Variants in PIK3CB observed in about 807,000 individuals in gnomAD.
The protein encoded by PIK3CB is phosphatidylinositol-4,5-bisphosphate 3-kinase catalytic subunit beta, also known as phosphatidylinositol 4,5-bisphosphate 3-kinase catalytic subunit beta isoform.
PIK3CB carries 39 observed loss-of-function variants against 136.8 expected under a neutral mutation model. That is an observed-to-expected ratio of 0.29 (90% CI 0.22 to 0.37). The LOEUF (loss-of-function observed/expected upper bound fraction) is 0.37. PIK3CB is among the 10% of genes least tolerant of loss of function. The pLI is 1.00. For synonymous variants in PIK3CB, 428 were observed against 436.6 expected (o/e 0.98, Z 0.25); for missense variants, 868 against 1,275.4 (o/e 0.68, Z 4.87).
At chr3:138,690,116 T>TA (rs1395636384) in intron 15 of PIK3CB, among the ~76,000 whole-genome samples, 1 of 146,950 alleles carries the variant, frequency 6.8e-6, no homozygotes, top group Non-Finnish European at 1.5e-5. Flanking sequence ...CACAAGAAAG[T>TA]AAAAAAAAGA....
intron 1 of PIK3CB, among the ~76,000 whole-genome samples, chr3:138,797,473 A>G (rs912963006): frequency 7.2e-5 from 11 of 152,096 alleles, no homozygotes; most frequent in African/African-American, 2.7e-4. Context: ...TCCCTATTAC[A>G]TATATTACAA....
At chr3:138,781,907 G>A (rs1279135103) in intron 2 of PIK3CB, among the ~76,000 whole-genome samples, 4 of 152,168 alleles carry the variant, frequency 2.6e-5, no homozygotes, top group Admixed American at 2.0e-4. Flanking sequence ...GGGTGAAAGA[G>A]CGAGACACTG....
intron 19 of PIK3CB, among the ~76,000 whole-genome samples, chr3:138,679,748 A>AATTATTATTATTATTATTATTATT (rs59677449): frequency 2.8e-5 from 4 of 141,462 alleles, no homozygotes; most frequent in African/African-American, 5.1e-5. Flanking sequence ...ATGCCTGGCT[A>AATTATTATTATTATTATTATTATT]ATTATTATTA....
chr3:138,787,739 A>G (rs570213476), intron 2 of PIK3CB, among the ~76,000 whole-genome samples: 2 of 151,588 alleles, frequency 1.3e-5, no homozygotes, highest in South Asian at 4.2e-4. Context: ...TTTTTTAAAG[A>G]AAGAAAAAAA....
chr3:138,781,764 T>G (rs781084591), intron 2 of PIK3CB, among the ~76,000 whole-genome samples: 32 of 152,224 alleles, frequency 2.1e-4, no homozygotes, highest in Middle Eastern at 3.4e-3. Context: ...CCAAAAAATT[T>G]TTTTAATTAG....
intron 8 of PIK3CB, among the ~76,000 whole-genome samples, chr3:138,728,283 C>G (rs1348668213): frequency 6.6e-6 from 1 of 151,962 alleles, no homozygotes; most frequent in African/African-American, 2.4e-5. Flanking sequence ...ATTATATGAC[C>G]AACGTTATTC....
intron 2 of PIK3CB, among the ~76,000 whole-genome samples, chr3:138,764,685 C>A (rs2045708616): frequency 6.6e-6 from 1 of 152,208 alleles, no homozygotes; most frequent in Non-Finnish European, 1.5e-5. Context: ...GATCCTTAGT[C>A]CAGTCATGCT....
chr3:138,786,964 T>A (rs1011111988), intron 2 of PIK3CB, among the ~76,000 whole-genome samples: 1 of 152,250 alleles, frequency 6.6e-6, no homozygotes. Flanking sequence ...CATGACAATC[T>A]GACCACAGTT....
intron 2 of PIK3CB, among the ~76,000 whole-genome samples, chr3:138,763,913 C>T (rs560442567): frequency 1.1e-3 from 169 of 150,040 alleles, no homozygotes; most frequent in Non-Finnish European, 1.9e-3. Flanking sequence ...AAGTTCAAGA[C>T]CAGCCTGACC....
chr3:138,745,238 G>A (rs981956177), intron 4 of PIK3CB, among the ~76,000 whole-genome samples: 5 of 152,068 alleles, frequency 3.3e-5, no homozygotes, highest in Non-Finnish European at 7.4e-5. Flanking sequence ...TTGTGTTTGG[G>A]GGTAAGTAAA....
Position 138,796,467 on chromosome 3 carries a change from G to A in PIK3CB, c.-21C>T, listed in dbSNP as rs1243732760. 6 of 146,758 alleles carry A rather than the reference G, an allele frequency of 4.1e-5. No individual in the cohort carries two copies. The highest frequency in any genetic ancestry group is 1.5e-4 in the African/African-American group (6 of 39,558). 9.1% of individuals were successfully genotyped at this position (146,758 alleles called of 1,614,324 possible). On this transcript the variant is annotated 5_prime_UTR_variant, in exon 2 of 24. Transcript: ENST00000674063. ...AATACAAAATTGGATACTTACCTAA[G>A]AATGGTCGCCCCCATTTCAGTCTTT...
rs1378587347 is a variant in PIK3CB, at chr3:138,684,806, G to A, written c.2137-3C>T. ...TTTAACTTATTGAGTGCTTCAACCT[G>A]AAAAATAAGTTCCCCACACCAAAAA... On this transcript the variant is annotated splice_polypyrimidine_tract_variant and splice_region_variant and intron_variant, in intron 16 of 23. Coordinates refer to ENST00000674063, the MANE Select transcript of PIK3CB (RefSeq NM_006219.3). The A allele has an allele frequency of 6.2e-7, 1 of 1,601,146 alleles. No individual in the cohort carries two copies. The highest frequency in any genetic ancestry group is 8.5e-7 in the Non-Finnish European group (1 of 1,174,202).
At chr3:138,663,535 C>G (rs1352264860) in intron 21 of PIK3CB, among the ~76,000 whole-genome samples, 1 of 152,100 alleles carries the variant, frequency 6.6e-6, no homozygotes, top group East Asian at 1.9e-4. Flanking sequence ...GCGCCTGCCA[C>G]CATGCCTGGC....
rs575122880 is a variant in PIK3CB at position 138,834,882 on chromosome 3, G to A, written c.-309C>T. 6.6e-6 allele frequency: 1 copy of A among 151,842 alleles called. No individual in the cohort carries two copies. The highest frequency in any genetic ancestry group is 1.5e-5 in the Non-Finnish European group (1 of 68,194). The allele number at this position is 151,842 out of a possible 1,614,324, so 9.4% of individuals were successfully genotyped here. On this transcript the variant is annotated 5_prime_UTR_variant, in exon 1 of 24. Transcript: ENST00000674063. ...GCCCGCTCCGCCGCAGCGCCGCACA[G>A]GCCGACAGAGCACGCGCGCGCCGCC...
At chr3:138,738,829 C>G (rs2045173547) in intron 5 of PIK3CB, among the ~76,000 whole-genome samples, 1 of 152,212 alleles carries the variant, frequency 6.6e-6, no homozygotes, top group Non-Finnish European at 1.5e-5. Flanking sequence ...TTGCTATTCT[C>G]TATACTGACC....
intron 1 of PIK3CB, among the ~76,000 whole-genome samples, chr3:138,809,372 G>A (rs191220079): frequency 2.1e-4 from 32 of 151,864 alleles, no homozygotes; most frequent in African/African-American, 7.7e-4. Context: ...TTGGGAGGCC[G>A]AGGCGGGCGG....
chr3:138,691,671 A>C (rs2044011824), intron 14 of PIK3CB, among the ~76,000 whole-genome samples: 1 of 152,170 alleles, frequency 6.6e-6, no homozygotes, highest in Non-Finnish European at 1.5e-5. Flanking sequence ...CTCCCTAGCC[A>C]TGTGGAACTG....
At chr3:138,774,343 G>A (rs530061207) in intron 2 of PIK3CB, among the ~76,000 whole-genome samples, 65 of 152,160 alleles carry the variant, frequency 4.3e-4, no homozygotes, top group African/African-American at 1.5e-3. Context: ...ATCACTTTAG[G>A]TAACAGTATG....
At chr3:138,755,059 A>G (rs932874920) in intron 4 of PIK3CB, among the ~76,000 whole-genome samples, 2 of 152,218 alleles carry the variant, frequency 1.3e-5, no homozygotes, top group Non-Finnish European at 2.9e-5. Context: ...TAAATTTGCA[A>G]GGAATAATGT....
Sources: allele counts gnomAD v4.1 joint callset (sites outside exome capture counted in the v4.1 genomes callset), GRCh38; gene constraint gnomAD v4.1.1; transcripts MANE v1.5; gene names NCBI Gene and HGNC (gene_info 2026-07-23, HGNC 2026-07-21).